Variants in PKD1L3 observed in about 807,000 individuals in gnomAD.
PKD1L3 encodes polycystin-1-like protein 3.
PKD1L3 carries 239 observed loss-of-function variants against 184.1 expected under a neutral mutation model. The observed-to-expected ratio is 1.30, with a 90% confidence interval of 1.17 to 1.45. The LOEUF (loss-of-function observed/expected upper bound fraction) is 1.45, where lower values mean the gene tolerates loss of function less well. PKD1L3 is among the 40% of genes most tolerant of loss of function. PKD1L3 has a pLI of 0.00. For synonymous variants in PKD1L3, 996 were observed against 778.8 expected, an observed-to-expected ratio of 1.28 and a Z score of -4.64; for missense variants, 2,660 against 2,067.2, an observed-to-expected ratio of 1.29 and a Z score of -5.56.
At chr16:71,987,958 G>T (rs2040439047) in intron 4 of PKD1L3, among the ~76,000 whole-genome samples, 1 of 152,158 alleles carries the variant, frequency 6.6e-6, no homozygotes, top group Non-Finnish European at 1.5e-5. Flanking sequence ...GCAGGAGGGG[G>T]ATTCAATAAG....
In PKD1L3 at chr16:71,995,902, C is replaced by T. The variant is rs375070605; in HGVS notation, c.418+2370G>A. Among the ~76,000 whole-genome samples, 198 of 152,174 alleles carry T rather than the reference C, an allele frequency of 1.3e-3. 1 individual carries two copies. Among genetic ancestry groups the T allele is most frequent in the African/African-American group, 4.6e-3 (189 of 41,510 alleles). Reference sequence around the variant, plus strand: ...ACCTATTTTCTTATGGCCTTGCCAACGGAAAGTGTTGTTAAGTTTGTGGAT... The same window carrying T: ...ACCTATTTTCTTATGGCCTTGCCAATGGAAAGTGTTGTTAAGTTTGTGGAT... On this transcript the variant is annotated intron_variant, in intron 2 of 29. Transcript: ENST00000620267.
At chr16:71,965,021 AT>A (rs1037919678) in intron 15 of PKD1L3, among the ~76,000 whole-genome samples, 9 of 151,014 alleles carry the variant, frequency 6.0e-5, no homozygotes, top group Non-Finnish European at 1.2e-4. Context: ...TAATTTTTGT[AT>A]TTTTTTGTAG....
At chr16:71,969,001 G>A (rs1032940256) in intron 13 of PKD1L3, among the ~76,000 whole-genome samples, 1 of 151,510 alleles carries the variant, frequency 6.6e-6, no homozygotes, top group Non-Finnish European at 1.5e-5. Context: ...CTCGATCTCA[G>A]CTCACCGCAA....
intron 14 of PKD1L3, 122 bp downstream of exon 14, chr16:71,967,784 T>G: frequency 2.4e-6 from 2 of 845,520 alleles, no homozygotes; most frequent in Middle Eastern, 2.4e-4. Context: ...AGTTTAGAAC[T>G]AGAAAATACC....
chr16:71,988,733 G>GCACA (rs1458658954), intron 4 of PKD1L3, among the ~76,000 whole-genome samples: 2 of 152,180 alleles, frequency 1.3e-5, no homozygotes, highest in Non-Finnish European at 2.9e-5. Flanking sequence ...CGGGAGAAAA[G>GCACA]CACACACATT....
chr16:71,935,602 A>C, intron 25 of PKD1L3, 84 bp from the exon 26 acceptor site: 6 of 1,319,664 alleles, frequency 4.5e-6, no homozygotes, highest in Non-Finnish European at 5.2e-6. Flanking sequence ...AACGCAGCTG[A>C]TGTCTGTGGG....
intron 16 of PKD1L3, among the ~76,000 whole-genome samples, chr16:71,955,894 G>T (rs1278102987): frequency 1.3e-5 from 2 of 152,142 alleles, no homozygotes; most frequent in East Asian, 1.9e-4. Flanking sequence ...TGCCATGATT[G>T]TAAGTCTCCT....
chr16:71,977,711 G>T (rs78529492), intron 10 of PKD1L3, among the ~76,000 whole-genome samples: 2,198 of 149,354 alleles, frequency 0.015, 52 homozygotes, highest in Non-Finnish European at 0.018. Context: ...CTTCCTCATT[G>T]GATGTTAGTA....
Position 71,984,066 on chromosome 16 carries a change from G to C in PKD1L3, c.936C>G (p.Ala312=). The C allele has an allele frequency of 6.4e-7, 1 of 1,552,256 alleles. No homozygotes were observed. The highest frequency in any genetic ancestry group is 8.7e-7 in the Non-Finnish European group (1 of 1,147,074). The part of the protein sequence containing the change: ...EACEFLQKLT[A]LTPRFSKPAQ... ...CTGGCTTAGAAAATCTTGGGGTTAA[G>C]GCTGTTAGTTTCTGGAGGAACTCAC... is the stretch of plus-strand genomic sequence containing the variant. Residue 312 remains alanine, a synonymous_variant, in exon 6 of 30, where the codon GCC becomes GCG. Transcript: ENST00000620267.
chr16:71,977,251 T>A lies in PKD1L3; in HGVS notation c.1744A>T (p.Lys582Ter). ...TGGGTTTTACCTTTTTGCCACACCT[T>A]ATCCTTTGGAAGGGTGATGTTCAGG... The part of the protein sequence containing the change: ...FHLNITLPKD[K>*]VWQKDEEYTW... Residue 582 changes from lysine to a stop codon, truncating the protein, a stop_gained, in exon 11 of 30, where the codon AAG (lysine) becomes TAG (stop). Transcript: ENST00000620267. LOFTEE classifies it high-confidence loss of function. 1 of 1,529,446 alleles carries A rather than the reference T, an allele frequency of 6.5e-7. No homozygotes were observed. The allele number at this position is 1,529,446 out of a possible 1,614,324, so 94.7% of individuals were successfully genotyped here.
rs542887964 is a variant in PKD1L3 at position 71,985,842 on chromosome 16, A to G, written c.834+379T>C. On this transcript the variant is annotated intron_variant, in intron 5 of 29. Transcript: ENST00000620267. The stretch of plus-strand genomic sequence containing the variant: ...TTGGCCTCCCAAATGCTGGGATTAT[A>G]GGCGTGACTCAGTGAGCCTGGCTGC... Among the ~76,000 whole-genome samples the G allele has an allele frequency of 2.2e-4, 34 of 152,284 alleles. 1 individual carries two copies. The highest frequency in any genetic ancestry group is 7.9e-4 in the African/African-American group (33 of 41,564).
At chr16:71,956,873 T>C (rs928733321) in intron 16 of PKD1L3, among the ~76,000 whole-genome samples, 2 of 152,342 alleles carry the variant, frequency 1.3e-5, no homozygotes, top group East Asian at 1.9e-4. Context: ...TAAATAAATA[T>C]ATAGATTGCA....
At position 71,949,908 on chromosome 16, in the gene PKD1L3, T is replaced by C. The variant is rs2038763165; in HGVS notation, c.3493A>G (p.Ser1165Gly). The change falls in exon 21 of 30, where the codon AGC (serine) becomes GGC (glycine). Residue 1165 changes from serine to glycine, a missense_variant. Transcript: ENST00000620267. ...GCTGTAAAAAAGGCTGAAGCCAGGC[T>C]AGTGAAACCTAAGAGGAGCCAGCAG... ...SVCWLLLGFT[S>G]LASAFFTALY... 2 of 1,551,614 alleles carry C rather than the reference T, an allele frequency of 1.3e-6. No individual in the cohort carries two copies. The highest frequency in any genetic ancestry group is 1.2e-5 in the South Asian group (1 of 84,068).
At position 71,954,173 on chromosome 16, in the gene PKD1L3, A is replaced by G. The variant is rs1271742378; in HGVS notation, c.2741T>C (p.Leu914Pro). 2 of 1,551,516 alleles carry G rather than the reference A, an allele frequency of 1.3e-6. No homozygotes were observed. Among genetic ancestry groups the G allele is most frequent in the African/African-American group, 2.7e-5 (2 of 73,100 alleles). Reference sequence around the variant, plus strand: ...CATAACATTGATGACCATGTTGCAGAGTAGCAGTGTCATGCAGCAAGACAG... The same window carrying G: ...CATAACATTGATGACCATGTTGCAGGGTAGCAGTGTCATGCAGCAAGACAG... ...QRLSCCMTLL[L>P]CNMVINVMFW... Residue 914 changes from leucine to proline, a missense_variant, in exon 17 of 30, where the codon CTC becomes CCC. Leu to Pro is a moderately conservative substitution (Grantham distance 98). Transcript: ENST00000620267.
chr16:71,997,397 G>A (rs1314172641), intron 2 of PKD1L3, among the ~76,000 whole-genome samples: 1 of 141,474 alleles, frequency 7.1e-6, no homozygotes, highest in Non-Finnish European at 1.5e-5. Context: ...GACCAGCCTG[G>A]ACAACATAAC....
chr16:71,949,713 G>T, intron 21 of PKD1L3, 70 bp downstream of exon 21: 3 of 1,366,892 alleles, frequency 2.2e-6, no homozygotes, highest in Non-Finnish European at 3.0e-6. Context: ...AGGCACCTTG[G>T]ATTGACACCC....
Position 71,990,222 on chromosome 16 carries a change from CTAGG to C in PKD1L3, c.585+54_585+57del, listed in dbSNP as rs1484732258. On this transcript the variant is annotated intron_variant, in intron 4 of 29. Transcript: ENST00000620267. ...CAAGATAGAGCTCTAACCAGATCTA[CTAGG>C]TATGACAAAGAGATCAACATTTCAC... is the stretch of plus-strand genomic sequence containing the variant. 10 of 1,374,076 alleles carry C rather than the reference CTAGG, an allele frequency of 7.3e-6. No homozygotes were observed. The East Asian group carries it at 2.3e-4, about 31-fold the overall frequency. 85.1% of individuals were successfully genotyped at this position (1,374,076 alleles called of 1,614,324 possible).
chr16:71,945,957 G>T (rs1292624991), intron 22 of PKD1L3, among the ~76,000 whole-genome samples: 1 of 152,088 alleles, frequency 6.6e-6, no homozygotes, highest in Non-Finnish European at 1.5e-5. Flanking sequence ...TGCAAGGAAG[G>T]CAATTTATTA....
intron 16 of PKD1L3, among the ~76,000 whole-genome samples, chr16:71,956,086 G>A (rs140084425): frequency 6.6e-6 from 1 of 151,808 alleles, no homozygotes; most frequent in African/African-American, 2.4e-5. Flanking sequence ...TCGAACTCCT[G>A]AGCTCAAGTG....
Sources: allele counts gnomAD v4.1 joint callset (sites outside exome capture counted in the v4.1 genomes callset), GRCh38; gene constraint gnomAD v4.1.1; transcripts MANE v1.5; gene names NCBI Gene and HGNC (gene_info 2026-07-23, HGNC 2026-07-21).